The following STON1 variants were observed in gnomAD, a reference collection of about 807,000 sequenced individuals.
The protein encoded by STON1 is stonin 1, also known as stonin-1.
In STON1, 79 loss-of-function variants were observed where a neutral mutation model predicts 60.9. The ratio of observed to expected loss-of-function variants is 1.30; its 90% CI spans 1.08 to 1.56. STON1 has a LOEUF of 1.56. STON1 is among the 40% of genes most tolerant of loss of function. The pLI, the probability that STON1 is intolerant of heterozygous loss-of-function variation, is 0.00. For missense variants in STON1, 1,166 were observed against 858.9 expected (o/e 1.36, Z -4.47); for synonymous variants, 363 against 306.9 (o/e 1.18, Z -1.91).
chr2:48,542,645 C>G (rs1035363192), intron 1 of STON1, among the ~76,000 whole-genome samples: 5 of 152,154 alleles, frequency 3.3e-5, no homozygotes, highest in African/African-American at 4.8e-5. Flanking sequence ...TGGCTCAAGC[C>G]TATAATTCCA....
chr2:48,578,005 G>A (rs1413439449), intron 1 of STON1, among the ~76,000 whole-genome samples: 3 of 150,200 alleles, frequency 2.0e-5, no homozygotes, highest in Non-Finnish European at 4.4e-5. Context: ...TTTTGAGACG[G>A]AGTTTTGCTC....
rs1378222660 is a variant in STON1 at position 48,582,475 on chromosome 2, C to A, written c.1842C>A (p.Val614=). 1.2e-6 allele frequency: 2 copies of A among 1,614,084 alleles called. No homozygotes were observed. Among genetic ancestry groups the A allele is most frequent in the Non-Finnish European group, 1.7e-6 (2 of 1,180,050 alleles). Residue 614 remains valine (V), a synonymous_variant, in exon 2 of 4, where the codon GTC becomes GTA. Coordinates refer to ENST00000404752, the MANE Select transcript of STON1 (RefSeq NM_006873.4). ...GSLQELESEP[V]IQVTVGSAKY... Reference sequence around the variant, plus strand: ...TACAGGAACTTGAATCTGAACCTGTCATTCAAGTCACTGTGGGGTCAGCAA... The same window carrying A: ...TACAGGAACTTGAATCTGAACCTGTAATTCAAGTCACTGTGGGGTCAGCAA...
At chr2:48,536,317 G>A (rs1671425183) in intron 1 of STON1, among the ~76,000 whole-genome samples, 1 of 152,200 alleles carries the variant, frequency 6.6e-6, no homozygotes, top group Non-Finnish European at 1.5e-5. Context: ...GGAGGCCAAG[G>A]TGGGCAGATC....
chr2:48,531,781 A>C (rs1671220665), intron 1 of STON1: 1 of 152,220 alleles, frequency 6.6e-6, no homozygotes. Flanking sequence ...CACACTTCTC[A>C]AAACTTTAGC....
chr2:48,575,810 G>C (rs1673462290), intron 1 of STON1, among the ~76,000 whole-genome samples: 1 of 141,104 alleles, frequency 7.1e-6, no homozygotes. Flanking sequence ...CCAGGCTGGA[G>C]TGCAATGGCG....
chr2:48,532,907 G>A (rs1671270997), intron 1 of STON1, among the ~76,000 whole-genome samples: 2 of 152,138 alleles, frequency 1.3e-5, no homozygotes, highest in Admixed American at 1.3e-4. Context: ...AGGTGGTTAA[G>A]AAGCAAAATG....
At chr2:48,534,531 A>G (rs945260107) in intron 1 of STON1, among the ~76,000 whole-genome samples, 1 of 152,216 alleles carries the variant, frequency 6.6e-6, no homozygotes, top group Non-Finnish European at 1.5e-5. Context: ...ATGCTTTAGT[A>G]AGAACTGATG....
Position 48,580,885 on chromosome 2 carries a change from T to C in STON1, c.252T>C (p.Pro84=). The C allele has an allele frequency of 6.3e-7, 1 of 1,589,050 alleles. No homozygotes were observed. Among genetic ancestry groups the C allele is most frequent in the Non-Finnish European group, 8.5e-7 (1 of 1,169,886 alleles). The change falls in exon 2 of 4, where the codon CCT becomes CCC. Residue 84 remains proline (P), a synonymous_variant. Transcript: ENST00000404752. ...CAAGTAACTCTCCTCTTTCTACACC[T>C]ACCAAAGACTTCCCAGGTTTTCCTG... ...GPPSNSPLST[P]TKDFPGFPGI...
intron 2 of STON1, among the ~76,000 whole-genome samples, chr2:48,585,447 C>T (rs1674155086): frequency 6.6e-6 from 1 of 152,018 alleles, no homozygotes. Flanking sequence ...TGGGGTTTCA[C>T]CATGTTGGCC....
chr2:48,539,612 C>T (rs574192281), intron 1 of STON1, among the ~76,000 whole-genome samples: 15 of 152,050 alleles, frequency 9.9e-5, no homozygotes, highest in African/African-American at 3.6e-4. Flanking sequence ...AGCGATCTTC[C>T]TGCCTCAGCC....
chr2:48,564,981 C>CCTCAGCCT (rs1400498774), intron 1 of STON1, among the ~76,000 whole-genome samples: 76 of 149,112 alleles, frequency 5.1e-4, no homozygotes, highest in African/African-American at 1.9e-3. Context: ...GATCCACCTG[C>CCTCAGCCT]CTCAGCCTTC....
At chr2:48,575,520 G>C (rs143225134) in intron 1 of STON1, among the ~76,000 whole-genome samples, 2,502 of 151,902 alleles carry the variant, frequency 0.016, 33 homozygotes, top group Middle Eastern at 0.044. Context: ...GGGCATGGTG[G>C]TGCATGCCTG....
At chr2:48,569,895 A>G (rs1271072538) in intron 1 of STON1, among the ~76,000 whole-genome samples, 1 of 152,250 alleles carries the variant, frequency 6.6e-6, no homozygotes, top group Non-Finnish European at 1.5e-5. Context: ...GGCATTCAAA[A>G]CATTTTGAAT....
At chr2:48,554,204 C>CTTTATTTTAT (rs967052783) in intron 1 of STON1, among the ~76,000 whole-genome samples, 3 of 152,014 alleles carry the variant, frequency 2.0e-5, no homozygotes, top group Non-Finnish European at 4.4e-5. Flanking sequence ...GGTGTTACTC[C>CTTTATTTTAT]TTTATTTTAT....
chr2:48,582,373 G>C lies in STON1; in HGVS notation c.1740G>C (p.Lys580Asn). The C allele has an allele frequency of 6.2e-7, 1 of 1,614,144 alleles. No homozygotes were observed. Among genetic ancestry groups the C allele is most frequent in the African/African-American group, 1.3e-5 (1 of 75,038 alleles). ...IHFPVPSQWI[K>N]ALWTMNLQRQ... ...TTCCTGTCCCATCGCAGTGGATCAA[G>C]GCCCTTTGGACCATGAACCTCCAGA... Residue 580 changes from lysine to asparagine, a missense_variant, in exon 2 of 4, where the codon AAG becomes AAC. Lys to Asn is a moderately conservative substitution (Grantham distance 94, BLOSUM62 0). Transcript: ENST00000404752.
intron 1 of STON1, among the ~76,000 whole-genome samples, chr2:48,576,260 G>C (rs1300139925): frequency 8.3e-6 from 1 of 119,844 alleles, no homozygotes. Flanking sequence ...TGGGATCTCT[G>C]CTCACTGCAA....
At chr2:48,584,745 C>T (rs1674105631) in intron 2 of STON1, among the ~76,000 whole-genome samples, 1 of 152,186 alleles carries the variant, frequency 6.6e-6, no homozygotes, top group Admixed American at 6.5e-5. Context: ...GAACACTGCT[C>T]TCCAGGTGTT....
chr2:48,589,447 C>T (rs1674394647), intron 2 of STON1, among the ~76,000 whole-genome samples: 1 of 152,092 alleles, frequency 6.6e-6, no homozygotes, highest in Non-Finnish European at 1.5e-5. Flanking sequence ...TCTGTTAAGC[C>T]CCAAACATGA....
rs559374775 is a variant in STON1 at position 48,537,445 on chromosome 2, A to G, written c.-48+7229A>G. ...GTATTAATTGTGTTGAAACATGTAC[A>G]TAAATATACATATACAGGTATATTA... On this transcript the variant is annotated intron_variant, in intron 1 of 3. Transcript: ENST00000404752. Among the ~76,000 whole-genome samples the G allele has an allele frequency of 4.1e-4, 62 of 152,368 alleles. 1 individual carries two copies. Among genetic ancestry groups the G allele is most frequent in the African/African-American group, 1.3e-3 (55 of 41,582 alleles).
Sources: gnomAD v4.1 joint callset for allele counts (sites outside exome capture counted in the v4.1 genomes callset) on GRCh38, gnomAD v4.1.1 for gene constraint, MANE v1.5 for transcripts, NCBI Gene and HGNC (gene_info 2026-07-23, HGNC 2026-07-21) for gene names.